Variants in ST8SIA2 observed in about 807,000 individuals in gnomAD.
ST8SIA2 encodes alpha-2,8-sialyltransferase 8B.
A neutral mutation model predicts 37.6 loss-of-function variants in ST8SIA2; 22 were observed. The observed-to-expected ratio is 0.58, with a 90% CI of 0.42 to 0.83. ST8SIA2 has a LOEUF of 0.83. Among genes scored for constraint, ST8SIA2 ranks in the 40% least tolerant of loss-of-function variants. ST8SIA2 has a pLI of 0.00. For synonymous variants in ST8SIA2, 205 were observed against 201.2 expected, an observed-to-expected ratio of 1.02 and a Z score of -0.16; for missense variants, 382 against 484.7, an observed-to-expected ratio of 0.79 and a Z score of 1.99.
chr15:92,434,469 GAAA>G (rs1266170053), intron 3 of ST8SIA2, 94 bp downstream of exon 3: 2 of 1,574,796 alleles, frequency 1.3e-6, no homozygotes, highest in Non-Finnish European at 1.7e-6. Context: ...AGTCAGGATA[GAAA>G]TAAAATGTTT....
chr15:92,435,217 G>T (rs1019694809), intron 3 of ST8SIA2, among the ~76,000 whole-genome samples: 1 of 152,172 alleles, frequency 6.6e-6, no homozygotes, highest in African/African-American at 2.4e-5. Context: ...ACATGAGGTG[G>T]TGCTGCATCT....
In ST8SIA2 at chr15:92,415,949, A is replaced by T. The variant is rs74029027; in HGVS notation, c.99-14100A>T. Among the ~76,000 whole-genome samples the T allele has an allele frequency of 8.3e-3, 1,265 of 152,300 alleles. 19 individuals are homozygous for T. Among genetic ancestry groups the T allele is most frequent in the African/African-American group, 0.029 (1,197 of 41,540 alleles). ...GAAAAGAAGATGAGGCTGAAGGGGC[A>T]GTTCAGAAAGGGTCTCTGTGCCATG... On this transcript the variant is annotated intron_variant, in intron 1 of 5. Coordinates refer to ENST00000268164, the MANE Select transcript of ST8SIA2 (RefSeq NM_006011.4).
intron 5 of ST8SIA2, among the ~76,000 whole-genome samples, chr15:92,460,716 G>T (rs931279141): frequency 9.2e-5 from 14 of 152,202 alleles, no homozygotes; most frequent in African/African-American, 3.4e-4. Flanking sequence ...GGCCGTGTGG[G>T]GTAGTCCCAG....
In ST8SIA2 at chr15:92,468,097, A is replaced by C. The variant is rs182159517; in HGVS notation, c.*3712A>C. ...CTTGCTAATTCTTCCCACTAGCACT[A>C]ATCTCGACTCTTTGTCACTTGGACT... On this transcript the variant is annotated 3_prime_UTR_variant, in exon 6 of 6. Transcript: ENST00000268164. 9.8e-5 allele frequency: 15 copies of C among 152,354 alleles called. No individual in the cohort carries two copies. The highest frequency in any genetic ancestry group is 3.4e-4 in the African/African-American group (14 of 41,522). The allele number at this position is 152,354 out of a possible 1,614,324, so 9.4% of individuals were successfully genotyped here. A position where few individuals can be genotyped will look rare whatever the true frequency, so the allele number is the denominator to read the frequency against.
intron 1 of ST8SIA2, among the ~76,000 whole-genome samples, chr15:92,404,677 A>C (rs2049495167): frequency 6.6e-6 from 1 of 151,472 alleles, no homozygotes. Flanking sequence ...CAAAAAAAAA[A>C]AAAAAAAAAT....
intron 5 of ST8SIA2, among the ~76,000 whole-genome samples, chr15:92,449,712 T>G (rs1443239556): frequency 1.3e-5 from 2 of 152,246 alleles, no homozygotes; most frequent in Non-Finnish European, 2.9e-5. Context: ...TATAAGATGG[T>G]ATCTCGTTGT....
At chr15:92,451,342 C>T (rs1004482185) in intron 5 of ST8SIA2, among the ~76,000 whole-genome samples, 8 of 152,176 alleles carry the variant, frequency 5.3e-5, no homozygotes, top group Admixed American at 2.0e-4. Context: ...CAAGGCTACA[C>T]GTGCACACAC....
At chr15:92,437,753 T>C (rs2049769468) in intron 3 of ST8SIA2, among the ~76,000 whole-genome samples, 1 of 152,240 alleles carries the variant, frequency 6.6e-6, no homozygotes. Context: ...AATGGGCCGG[T>C]AAGGAGTGAG....
At chr15:92,424,955 G>A (rs530372814) in intron 1 of ST8SIA2, among the ~76,000 whole-genome samples, 13 of 152,272 alleles carry the variant, frequency 8.5e-5, no homozygotes, top group African/African-American at 2.4e-4. Context: ...TTGCAGCAGG[G>A]TCAAATGGAC....
chr15:92,414,261 G>A (rs75934335), intron 1 of ST8SIA2, among the ~76,000 whole-genome samples: 2,024 of 152,308 alleles, frequency 0.013, 49 homozygotes, highest in African/African-American at 0.044. Context: ...ACCTGGCTTC[G>A]TACCTCTGCC....
chr15:92,405,671 G>A (rs1342067843), intron 1 of ST8SIA2, among the ~76,000 whole-genome samples: 1 of 152,188 alleles, frequency 6.6e-6, no homozygotes, highest in East Asian at 1.9e-4. Context: ...GGGAAATGGA[G>A]GGAGAAAAGG....
intron 1 of ST8SIA2, among the ~76,000 whole-genome samples, chr15:92,400,391 A>G (rs1000375943): frequency 1.3e-5 from 2 of 152,238 alleles, no homozygotes; most frequent in Admixed American, 6.5e-5. Context: ...GACCGAGGAT[A>G]TGCCAAAAAT....
At chr15:92,433,246 G>C (rs1409968972) in intron 2 of ST8SIA2, among the ~76,000 whole-genome samples, 2 of 152,186 alleles carry the variant, frequency 1.3e-5, no homozygotes, top group African/African-American at 4.8e-5. Context: ...CAGATGTTTG[G>C]TTTGAACTCT....
chr15:92,458,515 G>A (rs1046425911), intron 5 of ST8SIA2, among the ~76,000 whole-genome samples: 16 of 152,164 alleles, frequency 1.1e-4, no homozygotes, highest in African/African-American at 3.4e-4. Flanking sequence ...TGGTCCCTGC[G>A]CTTGGGGAGA....
Position 92,430,079 on chromosome 15 carries a change from A to G in ST8SIA2, c.129A>G (p.Ser43=), listed in dbSNP as rs1454564804. The G allele has an allele frequency of 6.2e-7, 1 of 1,614,206 alleles. No homozygotes were observed. The highest frequency in any genetic ancestry group is 8.5e-7 in the Non-Finnish European group (1 of 1,180,040). Residue 43 remains serine, a synonymous_variant, in exon 2 of 6, where the codon TCA becomes TCG. Coordinates refer to ENST00000268164, the MANE Select transcript of ST8SIA2 (RefSeq NM_006011.4). ...CGGGAGGCAGAGGTACAATCAGATC[A>G]GCTGTGAACAGCTTACATAGCAAAT... The part of the protein sequence containing the change: ...GNSGGRGTIR[S]AVNSLHSKSN...
At chr15:92,437,917 G>T (rs7164908) in intron 3 of ST8SIA2, among the ~76,000 whole-genome samples, 6,581 of 152,272 alleles carry the variant, frequency 0.043, 489 homozygotes, top group African/African-American at 0.15. Flanking sequence ...CCCTAAGACA[G>T]TGAGGGTAAT....
chr15:92,411,369 G>T (rs766812852), intron 1 of ST8SIA2, among the ~76,000 whole-genome samples: 25 of 152,068 alleles, frequency 1.6e-4, no homozygotes, highest in Non-Finnish European at 3.5e-4. Context: ...GGGTCGGGCG[G>T]GGGTGTTGAA....
At chr15:92,427,974 C>A (rs2049688945) in intron 1 of ST8SIA2, among the ~76,000 whole-genome samples, 2 of 152,196 alleles carry the variant, frequency 1.3e-5, no homozygotes, top group South Asian at 4.1e-4. Context: ...TGAAGGGAGA[C>A]TCGGTCTCAA....
In ST8SIA2 at chr15:92,410,790, G is replaced by A. The variant is rs1004508434; in HGVS notation, c.98+16628G>A. ...GCTCATAGTACTGCTGATTCCTACCGTAGGAGCTCCAAAGAGGGGGTTCCC... is the reference window on the plus strand; with the variant it reads ...GCTCATAGTACTGCTGATTCCTACCATAGGAGCTCCAAAGAGGGGGTTCCC... On this transcript the variant is annotated intron_variant, in intron 1 of 5. Transcript: ENST00000268164. Among the ~76,000 whole-genome samples, 5 of 152,232 alleles carry A rather than the reference G, an allele frequency of 3.3e-5. No individual in the cohort carries two copies. In the South Asian group the frequency reaches 6.2e-4, roughly 19 times the overall value.
Sources: gnomAD v4.1 joint callset for allele counts (sites outside exome capture counted in the v4.1 genomes callset) on GRCh38, gnomAD v4.1.1 for gene constraint, MANE v1.5 for transcripts, NCBI Gene and HGNC (gene_info 2026-07-23, HGNC 2026-07-21) for gene names.